The following CFAP299 variants were observed in gnomAD, a reference collection of about 807,000 sequenced individuals.
CFAP299 encodes cilia and flagella associated protein 299.
Under a neutral mutation model 27.0 loss-of-function variants are expected in CFAP299, and 21 were observed. The ratio of observed to expected loss-of-function variants is 0.78; its 90% confidence interval spans 0.55 to 1.12. CFAP299 has a LOEUF of 1.12. Among genes scored for constraint, CFAP299 ranks in the 50% most tolerant of loss-of-function variants. CFAP299 has a pLI of 0.00. For synonymous variants in CFAP299, 104 were observed against 98.1 expected (o/e 1.06, Z -0.36); for missense variants, 310 against 276.6 (o/e 1.12, Z -0.86).
At chr4:80,488,329 G>A (rs1730930825) in intron 2 of CFAP299, among the ~76,000 whole-genome samples, 1 of 152,140 alleles carries the variant, frequency 6.6e-6, no homozygotes, top group African/African-American at 2.4e-5. Flanking sequence ...TCAGAAATAT[G>A]AGACTGAACC....
chr4:80,883,756 G>A (rs1163786641), intron 4 of CFAP299, among the ~76,000 whole-genome samples: 1 of 152,136 alleles, frequency 6.6e-6, no homozygotes, highest in Non-Finnish European at 1.5e-5. Context: ...TGCACTCAGA[G>A]CTCTTAAATA....
intron 3 of CFAP299, among the ~76,000 whole-genome samples, chr4:80,714,286 G>A (rs1255554203): frequency 6.6e-6 from 1 of 151,970 alleles, no homozygotes; most frequent in Non-Finnish European, 1.5e-5. Flanking sequence ...TTTGTGGAAG[G>A]ACTAACTCTA....
Position 80,743,170 on chromosome 4 carries a change from T to G in CFAP299, c.334-126823T>G, listed in dbSNP as rs530063332. Among the ~76,000 whole-genome samples, 8 of 151,946 alleles carry G rather than the reference T, an allele frequency of 5.3e-5. No homozygotes were observed. In the South Asian group the frequency reaches 1.2e-3, roughly 24 times the overall value. On this transcript the variant is annotated intron_variant, in intron 3 of 5. Coordinates refer to ENST00000358105, the MANE Select transcript of CFAP299 (RefSeq NM_152770.3). The stretch of plus-strand genomic sequence containing the variant: ...CAGCACTTTGGGAGGCCAAGGTGGG[T>G]GGACCACCTGAGGTCAGGAGTTTGT...
intron 3 of CFAP299, among the ~76,000 whole-genome samples, chr4:80,673,104 G>T (rs1741598348): frequency 1.3e-5 from 2 of 151,922 alleles, no homozygotes; most frequent in Non-Finnish European, 2.9e-5. Flanking sequence ...GTGATATTAG[G>T]GTGTCGATTT....
At chr4:80,895,131 C>G (rs188861130) in intron 4 of CFAP299, among the ~76,000 whole-genome samples, 98 of 151,664 alleles carry the variant, frequency 6.5e-4, no homozygotes, top group African/African-American at 2.3e-3. Flanking sequence ...CTATTATATA[C>G]TTGAAATTTG....
chr4:80,566,882 T>C (rs1316783919), intron 2 of CFAP299, among the ~76,000 whole-genome samples: 2 of 152,068 alleles, frequency 1.3e-5, no homozygotes, highest in Non-Finnish European at 2.9e-5. Flanking sequence ...AGCACCTTTA[T>C]CCCCTGAAAG....
In CFAP299 at chr4:80,492,967, A is replaced by G. The variant is rs548040988; in HGVS notation, c.243-90126A>G. Among the ~76,000 whole-genome samples the G allele has an allele frequency of 6.0e-4, 92 of 152,238 alleles. 1 individual carries two copies. The highest frequency in any genetic ancestry group is 2.0e-3 in the African/African-American group (85 of 41,536). ...GTGGCCTTTTAGTGGCTTGGTTTGCATATACAAAGTACACAGTCAGGTGAG... is the reference window on the plus strand; with the variant it reads ...GTGGCCTTTTAGTGGCTTGGTTTGCGTATACAAAGTACACAGTCAGGTGAG... On this transcript the variant is annotated intron_variant, in intron 2 of 5. Transcript: ENST00000358105.
chr4:80,502,220 A>T (rs1354889102), intron 2 of CFAP299, among the ~76,000 whole-genome samples: 1 of 152,120 alleles, frequency 6.6e-6, no homozygotes, highest in Non-Finnish European at 1.5e-5. Flanking sequence ...GATTTCTTAA[A>T]TAAAGGGGAA....
intron 2 of CFAP299, among the ~76,000 whole-genome samples, chr4:80,366,869 A>T (rs1723859647): frequency 6.6e-6 from 1 of 152,192 alleles, no homozygotes; most frequent in Non-Finnish European, 1.5e-5. Flanking sequence ...AATACTATTC[A>T]GTCATCAAAA....
At chr4:80,643,590 G>T (rs1338732525) in intron 3 of CFAP299, among the ~76,000 whole-genome samples, 1 of 152,142 alleles carries the variant, frequency 6.6e-6, no homozygotes, top group Non-Finnish European at 1.5e-5. Flanking sequence ...AGGGGCAATG[G>T]TATCTAGCAC....
chr4:80,488,756 G>A (rs144970004), intron 2 of CFAP299, among the ~76,000 whole-genome samples: 29 of 152,256 alleles, frequency 1.9e-4, no homozygotes, highest in South Asian at 8.3e-4. Flanking sequence ...GATTACAGGC[G>A]TGAGCCACCG....
intron 3 of CFAP299, among the ~76,000 whole-genome samples, chr4:80,725,111 ATTTTTTTTTT>A (rs70956062): frequency 3.4e-5 from 3 of 88,516 alleles, no homozygotes; most frequent in East Asian, 3.6e-4. Flanking sequence ...TGCCTGGCCA[ATTTTTTTTTT>A]TTTTTTTTTT....
At chr4:80,676,570 C>G (rs1195063336) in intron 3 of CFAP299, among the ~76,000 whole-genome samples, 2 of 152,068 alleles carry the variant, frequency 1.3e-5, no homozygotes, top group African/African-American at 2.4e-5. Flanking sequence ...AACTACAAAG[C>G]TATCAGATTC....
intron 2 of CFAP299, among the ~76,000 whole-genome samples, chr4:80,544,789 C>T (rs1457228022): frequency 3.9e-5 from 6 of 152,124 alleles, no homozygotes; most frequent in African/African-American, 7.2e-5. Flanking sequence ...CACCCAATGA[C>T]AGTGTTAGAT....
intron 2 of CFAP299, among the ~76,000 whole-genome samples, chr4:80,377,835 G>T (rs1228357649): frequency 2.0e-5 from 3 of 152,142 alleles, no homozygotes; most frequent in Non-Finnish European, 4.4e-5. Flanking sequence ...AGAAAAAGAG[G>T]TTTAATTGGA....
chr4:80,625,727 C>G (rs1738853406), intron 3 of CFAP299, among the ~76,000 whole-genome samples: 1 of 151,874 alleles, frequency 6.6e-6, no homozygotes, highest in Non-Finnish European at 1.5e-5. Context: ...CAAACACAAA[C>G]TGGAGTGGCC....
chr4:80,536,313 T>A (rs575892802), intron 2 of CFAP299, among the ~76,000 whole-genome samples: 1 of 152,316 alleles, frequency 6.6e-6, no homozygotes, highest in African/African-American at 2.4e-5. Context: ...GGAACCCTTA[T>A]ATGCTCTGAT....
chr4:80,547,822 A>G (rs1734315326), intron 2 of CFAP299, among the ~76,000 whole-genome samples: 1 of 152,194 alleles, frequency 6.6e-6, no homozygotes, highest in South Asian at 2.1e-4. Flanking sequence ...TTAAAACCAC[A>G]TGAGATACCA....
chr4:80,799,693 TATATAAA>T (rs1333271589), intron 3 of CFAP299, among the ~76,000 whole-genome samples: 2 of 55,506 alleles, frequency 3.6e-5, no homozygotes, highest in Non-Finnish European at 5.8e-5. Flanking sequence ...AAATATATAA[TATATAAA>T]ATATATATTT....
Sources: allele counts gnomAD v4.1 joint callset (sites outside exome capture counted in the v4.1 genomes callset), GRCh38; gene constraint gnomAD v4.1.1; transcripts MANE v1.5; gene names NCBI Gene and HGNC (gene_info 2026-07-23, HGNC 2026-07-21).